ARHGEF16: variants seen among roughly 807,000 people sequenced by gnomAD.
ARHGEF16 encodes Rho guanine exchange factor (GEF) 16.
A neutral mutation model predicts 74.1 loss-of-function variants in ARHGEF16; 59 were observed. The ratio of observed to expected loss-of-function variants is 0.80; its 90% CI spans 0.65 to 0.99. ARHGEF16 has a LOEUF of 0.99. Among genes scored for constraint, ARHGEF16 ranks in the 50% least tolerant of loss-of-function variants. The pLI is 0.00. For missense variants in ARHGEF16, 948 were observed against 986.6 expected (o/e 0.96, Z 0.52); for synonymous variants, 415 against 412.6 (o/e 1.01, Z -0.07).
At chr1:3,461,046 C>T (rs911948525) in intron 1 of ARHGEF16, among the ~76,000 whole-genome samples, 1 of 152,156 alleles carries the variant, frequency 6.6e-6, no homozygotes, top group East Asian at 1.9e-4. Flanking sequence ...TGACTTTGGG[C>T]GAGTGACTCA....
rs142502156 is a variant in ARHGEF16, at chr1:3,479,901, C to T, written c.1978C>T (p.Gln660Ter). The T allele has an allele frequency of 7.1e-5, 114 of 1,612,082 alleles. No individual in the cohort carries two copies. The highest frequency in any genetic ancestry group is 3.6e-5 in the Non-Finnish European group (43 of 1,179,884). ...GCAGGCGGACGTGGTCCTGGTTCTG[C>T]AGCAGGAGGATGGTGAGTGCAGGGG... ...LQQADVVLVL[Q>*]QEDGWLYGER... Residue 660 changes from glutamine (Q) to a stop codon, truncating the protein, a stop_gained, in exon 14 of 15, where the codon CAG becomes TAG. Transcript: ENST00000378378. LOFTEE classifies it low-confidence loss of function (END_TRUNC).
At position 3,466,350 on chromosome 1, in the gene ARHGEF16, C is replaced by T. The variant is rs181856755; in HGVS notation, c.634+157C>T. The stretch of plus-strand genomic sequence containing the variant: ...AGAGGCTGAGGTCCCAGTGGCTGGT[C>T]TGTTCATGTAGCCCTGATGAGTCTA... On this transcript the variant is annotated intron_variant, in intron 3 of 14. Coordinates refer to ENST00000378378, the MANE Select transcript of ARHGEF16 (RefSeq NM_014448.4). Among the ~76,000 whole-genome samples the T allele has an allele frequency of 3.7e-3, 562 of 152,206 alleles. 3 individuals are homozygous for T. The highest frequency in any genetic ancestry group is 0.013 in the African/African-American group (533 of 41,540).
chr1:3,462,198 G>C (rs1446719857), intron 1 of ARHGEF16, among the ~76,000 whole-genome samples: 2 of 152,160 alleles, frequency 1.3e-5, no homozygotes, highest in African/African-American at 2.4e-5. Flanking sequence ...ACTGTGGGCT[G>C]CCACCCCTGC....
At position 3,480,803 on chromosome 1, in the gene ARHGEF16, A is replaced by G. The variant is rs12027612; in HGVS notation, c.*216A>G. 1 of 662,092 alleles carries G rather than the reference A, an allele frequency of 1.5e-6. No homozygotes were observed. The highest frequency in any genetic ancestry group is 2.9e-5 in the East Asian group (1 of 34,874). The allele number at this position is 662,092 out of a possible 1,614,324, so 41.0% of individuals were successfully genotyped here. A position where few individuals can be genotyped will look rare whatever the true frequency, so the allele number is the denominator to read the frequency against. ...ACCCCCAGGCAAGCTCGAGGGGGCC[A>G]CACCGTGTCCCAGGGAGCCCAGCCT... On this transcript the variant is annotated 3_prime_UTR_variant, in exon 15 of 15. Coordinates refer to ENST00000378378, the MANE Select transcript of ARHGEF16 (RefSeq NM_014448.4).
At chr1:3,475,814 C>G (rs897770126) in intron 9 of ARHGEF16, among the ~76,000 whole-genome samples, 156 bp from the exon 10 acceptor site, 2 of 152,264 alleles carry the variant, frequency 1.3e-5, no homozygotes, top group Non-Finnish European at 2.9e-5. Context: ...GTGGAGCTCT[C>G]ACACAGTTGA....
chr1:3,475,691 T>C (rs1639850475), intron 9 of ARHGEF16, among the ~76,000 whole-genome samples: 1 of 78,754 alleles, frequency 1.3e-5, no homozygotes, highest in African/African-American at 4.1e-5. Context: ...GTTCCCAGAT[T>C]ATCCATCCCA....
intron 1 of ARHGEF16, among the ~76,000 whole-genome samples, chr1:3,455,947 G>C (rs1290021167): frequency 6.6e-6 from 1 of 152,202 alleles, no homozygotes. Context: ...AGGGGAACAG[G>C]GTGAGATGAA....
chr1:3,472,104 G>A (rs1639741991), intron 6 of ARHGEF16, among the ~76,000 whole-genome samples: 1 of 152,226 alleles, frequency 6.6e-6, no homozygotes, highest in Admixed American at 6.5e-5. Flanking sequence ...CGCTGGGTAA[G>A]GGAGTCCTCC....
chr1:3,468,449 G>T (rs1639608788), intron 4 of ARHGEF16: 1 of 201,446 alleles, frequency 5.0e-6, no homozygotes, highest in Non-Finnish European at 1.0e-5. Context: ...GGCGGAAACA[G>T]CGTCACCCAT....
At chr1:3,462,781 C>T (rs1639432316) in intron 1 of ARHGEF16, among the ~76,000 whole-genome samples, 1 of 152,220 alleles carries the variant, frequency 6.6e-6, no homozygotes, top group East Asian at 1.9e-4. Flanking sequence ...CCAGCCTACC[C>T]CCATAGGCTG....
intron 14 of ARHGEF16, 67 bp downstream of exon 14, chr1:3,479,980 C>T: frequency 2.0e-6 from 3 of 1,509,964 alleles, no homozygotes; most frequent in Non-Finnish European, 2.7e-6. Context: ...AGCGTCCAGC[C>T]TGGCCAGGTC....
At chr1:3,468,661 G>C (rs41315276) in intron 4 of ARHGEF16, 20,496 of 581,554 alleles carry the variant, frequency 0.035, 651 homozygotes, top group East Asian at 0.13. Flanking sequence ...CTGGCGGCTG[G>C]GGGGAGCGGG....
intron 6 of ARHGEF16, among the ~76,000 whole-genome samples, 164 bp downstream of exon 6, chr1:3,469,757 G>T (rs1406006975): frequency 2.0e-5 from 3 of 152,214 alleles, no homozygotes; most frequent in African/African-American, 7.2e-5. Context: ...TGACCTCTGA[G>T]GGTCCTTGAG....
rs572893449 is a variant in ARHGEF16, at chr1:3,469,155, G to A, written c.861+219G>A. Among the ~76,000 whole-genome samples, 6 of 152,130 alleles carry A rather than the reference G, an allele frequency of 3.9e-5. No individual in the cohort carries two copies. The East Asian group carries it at 7.7e-4, about 20-fold the overall frequency. ...CCTTCACGTCACCGGGTGAATCCTCGGAGTCCAGGGGCTGCCATCACCCCC... is the reference window on the plus strand; with the variant it reads ...CCTTCACGTCACCGGGTGAATCCTCAGAGTCCAGGGGCTGCCATCACCCCC... On this transcript the variant is annotated intron_variant, in intron 5 of 14. Coordinates refer to ENST00000378378, the MANE Select transcript of ARHGEF16 (RefSeq NM_014448.4).
chr1:3,468,871 T>TC lies in ARHGEF16; in HGVS notation c.805-3dup, dbSNP rs761748714. On this transcript the variant is annotated splice_polypyrimidine_tract_variant and intron_variant, in intron 4 of 14. Transcript: ENST00000378378. ...GTGACCGAGAGCTCCTGGGCCTGTG[T>TC]CCCCCCAGGTGGTGGAATTGGGCAT... 2.6e-6 allele frequency: 4 copies of TC among 1,550,080 alleles called. No individual in the cohort carries two copies. In the South Asian group the frequency reaches 3.6e-5, roughly 14 times the overall value.
rs534769116 is a variant in ARHGEF16 at position 3,471,465 on chromosome 1, CAG to C, written c.1023-1612_1023-1611del. 2.9e-5 allele frequency: 7 copies of C among 242,894 alleles called. No homozygotes were observed. The South Asian group carries it at 3.6e-4, about 13-fold the overall frequency. The allele number at this position is 242,894 out of a possible 1,614,324, so 15.0% of individuals were successfully genotyped here. The stretch of plus-strand genomic sequence containing the variant: ...CAGGGAGCCGCCTTGTCCCTGGAGA[CAG>C]GGGCTTCCTGTAGAGCTCCAGGGAC... On this transcript the variant is annotated intron_variant, in intron 6 of 14. Coordinates refer to ENST00000378378, the MANE Select transcript of ARHGEF16 (RefSeq NM_014448.4).
chr1:3,454,908 G>A (rs1639230304), intron 1 of ARHGEF16, 97 bp downstream of exon 1: 1 of 152,126 alleles, frequency 6.6e-6, no homozygotes, highest in African/African-American at 2.4e-5. Context: ...GGGAACCCGG[G>A]GCGCTTCTCC....
intron 6 of ARHGEF16, chr1:3,471,902 C>T: frequency 1.1e-6 from 1 of 914,612 alleles, no homozygotes; most frequent in Non-Finnish European, 1.3e-6. Context: ...CGTGGCCCTG[C>T]TCATCCAGCA....
At chr1:3,457,160 G>A (rs1247554277) in intron 1 of ARHGEF16, among the ~76,000 whole-genome samples, 1 of 152,262 alleles carries the variant, frequency 6.6e-6, no homozygotes, top group Non-Finnish European at 1.5e-5. Context: ...GATGTGTGCT[G>A]CATGATTTGC....
Sources: allele counts gnomAD v4.1 joint callset (sites outside exome capture counted in the v4.1 genomes callset), GRCh38; gene constraint gnomAD v4.1.1; transcripts MANE v1.5; gene names NCBI Gene and HGNC (gene_info 2026-07-23, HGNC 2026-07-21).